CNTNAP5: variants seen among roughly 807,000 people sequenced by gnomAD.
CNTNAP5 encodes the protein contactin associated protein family member 5.
CNTNAP5 carries 72 observed loss-of-function variants against 150.2 expected under a neutral mutation model. The ratio of observed to expected loss-of-function variants is 0.48; its 90% confidence interval spans 0.40 to 0.58. The LOEUF is 0.58. CNTNAP5 is among the 20% of genes least tolerant of loss of function. CNTNAP5 has a pLI of 0.00. For missense variants in CNTNAP5, 1,636 were observed against 1,626.2 expected, an observed-to-expected ratio of 1.01 and a Z score of -0.10; for synonymous variants, 672 against 619.8, an observed-to-expected ratio of 1.08 and a Z score of -1.25.
chr2:124,535,965 G>GA (rs1436558408), intron 10 of CNTNAP5, among the ~76,000 whole-genome samples: 2 of 152,128 alleles, frequency 1.3e-5, no homozygotes, highest in East Asian at 3.9e-4. Context: ...GTGGGAGCTT[G>GA]TTAAAAACAG....
intron 1 of CNTNAP5, among the ~76,000 whole-genome samples, chr2:124,043,290 G>A (rs1051776690): frequency 1.3e-5 from 2 of 152,128 alleles, no homozygotes; most frequent in Admixed American, 6.5e-5. Context: ...AAGTGAAGAG[G>A]TGGGACCTCA....
At chr2:124,743,879 G>A (rs1680552850) in intron 13 of CNTNAP5, among the ~76,000 whole-genome samples, 1 of 152,144 alleles carries the variant, frequency 6.6e-6, no homozygotes, top group Admixed American at 6.5e-5. Flanking sequence ...AAAATGCCCT[G>A]ATTTGTTCTT....
intron 3 of CNTNAP5, among the ~76,000 whole-genome samples, chr2:124,256,103 C>T (rs987699747): frequency 3.3e-5 from 5 of 152,010 alleles, no homozygotes; most frequent in East Asian, 1.9e-4. Flanking sequence ...GTATCTTATG[C>T]GTTTGCTCAG....
At chr2:124,706,815 G>A (rs1328060196) in intron 13 of CNTNAP5, among the ~76,000 whole-genome samples, 1 of 9,548 alleles carries the variant, frequency 1.0e-4, no homozygotes, top group Admixed American at 1.2e-3. Context: ...AGGAGGAGGA[G>A]GAGGAGGAGG....
chr2:124,560,510 C>T (rs1453264096), intron 10 of CNTNAP5, among the ~76,000 whole-genome samples: 1 of 86,692 alleles, frequency 1.2e-5, no homozygotes, highest in African/African-American at 4.4e-5. Context: ...CAGAGCAAGA[C>T]TCCATTTCAA....
intron 1 of CNTNAP5, among the ~76,000 whole-genome samples, chr2:124,164,375 C>T (rs956939169): frequency 6.6e-6 from 1 of 152,172 alleles, no homozygotes; most frequent in Admixed American, 6.5e-5. Flanking sequence ...CACACCCAGC[C>T]TGCTCATTCA....
At chr2:124,493,119 AG>A (rs1694069329) in intron 7 of CNTNAP5, among the ~76,000 whole-genome samples, 1 of 152,098 alleles carries the variant, frequency 6.6e-6, no homozygotes, top group Admixed American at 6.6e-5. Flanking sequence ...GGTCTTATAT[AG>A]CCTTTACTAT....
chr2:124,152,890 C>T (rs1024309187), intron 1 of CNTNAP5, among the ~76,000 whole-genome samples: 3 of 152,124 alleles, frequency 2.0e-5, no homozygotes, highest in African/African-American at 7.2e-5. Context: ...GGGAGACAGG[C>T]AAATGAAAAT....
chr2:124,504,703 ATTTTTTTTT>A (rs34518488), intron 8 of CNTNAP5, 147 bp downstream of exon 8: 12 of 370,672 alleles, frequency 3.2e-5, no homozygotes, highest in East Asian at 1.0e-4. Context: ...AAGAGGCAGC[ATTTTTTTTT>A]TTTTTTTTTT....
At chr2:124,913,786 A>G (rs1678704855) in intron 23 of CNTNAP5, among the ~76,000 whole-genome samples, 1 of 152,050 alleles carries the variant, frequency 6.6e-6, no homozygotes, top group African/African-American at 2.4e-5. Flanking sequence ...AAAATTTACA[A>G]AGAAACCCCT....
At chr2:124,262,245 A>C (rs1337168510) in intron 3 of CNTNAP5, among the ~76,000 whole-genome samples, 1 of 152,096 alleles carries the variant, frequency 6.6e-6, no homozygotes, top group Non-Finnish European at 1.5e-5. Context: ...ACCCTGTCTC[A>C]AAAAATAATA....
intron 16 of CNTNAP5, among the ~76,000 whole-genome samples, chr2:124,770,209 C>A (rs1025349140): frequency 1.3e-5 from 2 of 152,136 alleles, no homozygotes; most frequent in African/African-American, 4.8e-5. Context: ...ATGAGAACTT[C>A]CTGTATACAA....
intron 10 of CNTNAP5, among the ~76,000 whole-genome samples, chr2:124,558,799 G>T (rs1228663474): frequency 1.3e-5 from 2 of 152,138 alleles, no homozygotes; most frequent in South Asian, 4.1e-4. Context: ...CTGAAGGAAA[G>T]CTGTGGGGGT....
chr2:124,036,079 C>T (rs533663907), intron 1 of CNTNAP5, among the ~76,000 whole-genome samples: 3 of 150,760 alleles, frequency 2.0e-5, no homozygotes, highest in East Asian at 3.9e-4. Flanking sequence ...CGCCCGCCAC[C>T]GCGCCCGGCT....
chr2:124,334,180 A>C (rs1289563587), intron 3 of CNTNAP5, among the ~76,000 whole-genome samples: 1 of 152,118 alleles, frequency 6.6e-6, no homozygotes, highest in Admixed American at 6.6e-5. Flanking sequence ...GGATTGCTAA[A>C]GGCCTATTTT....
intron 19 of CNTNAP5, among the ~76,000 whole-genome samples, chr2:124,825,497 C>T (rs181979309): frequency 5.1e-4 from 78 of 152,276 alleles, no homozygotes; most frequent in Non-Finnish European, 9.0e-4. Context: ...TAGAACACCT[C>T]TTATACTGTG....
At chr2:124,777,775 ATGTGTG>A (rs35863925) in intron 17 of CNTNAP5, among the ~76,000 whole-genome samples, 2,459 of 130,642 alleles carry the variant, frequency 0.019, 32 homozygotes, top group African/African-American at 0.033. Flanking sequence ...GAATGGAGGG[ATGTGTG>A]TGTGTGTGTG....
intron 1 of CNTNAP5, among the ~76,000 whole-genome samples, chr2:124,081,162 G>A (rs1223416750): frequency 1.3e-5 from 2 of 151,766 alleles, no homozygotes; most frequent in Non-Finnish European, 1.5e-5. Flanking sequence ...GTTACTAGAT[G>A]TACTGGTTTT....
At chr2:124,443,470 A>C (rs946450553) in intron 5 of CNTNAP5, among the ~76,000 whole-genome samples, 17 of 152,094 alleles carry the variant, frequency 1.1e-4, no homozygotes, top group Admixed American at 9.2e-4. Context: ...AATAAAGAAA[A>C]TCTATCTTTG....
Sources: gnomAD v4.1 joint callset for allele counts (sites outside exome capture counted in the v4.1 genomes callset) on GRCh38, gnomAD v4.1.1 for gene constraint, MANE v1.5 for transcripts, NCBI Gene and HGNC (gene_info 2026-07-23, HGNC 2026-07-21) for gene names.